Variants in CDK7 observed in about 807,000 individuals in gnomAD.
The protein encoded by CDK7 is cyclin dependent kinase 7.
In CDK7, 25 loss-of-function variants were observed where a neutral mutation model predicts 49.1. The observed-to-expected ratio is 0.51, with a 90% confidence interval of 0.37 to 0.71. The LOEUF is 0.71. Among genes scored for constraint, CDK7 ranks in the 30% least tolerant of loss-of-function variants. The pLI, the probability that CDK7 is intolerant of heterozygous loss-of-function variation, is 0.00. For synonymous variants in CDK7, 107 were observed against 140.0 expected (o/e 0.76, Z 1.67); for missense variants, 316 against 411.7 (o/e 0.77, Z 2.01).
At chr5:69,248,790 C>CCT (rs1370044885) in intron 2 of CDK7, among the ~76,000 whole-genome samples, 1 of 110,480 alleles carries the variant, frequency 9.1e-6, no homozygotes, top group African/African-American at 3.3e-5. Context: ...ACCTTCTTTT[C>CCT]TTTTTTTTTT....
At chr5:69,276,053 G>A (rs1343986752) in intron 10 of CDK7, among the ~76,000 whole-genome samples, 1 of 151,542 alleles carries the variant, frequency 6.6e-6, no homozygotes, top group Non-Finnish European at 1.5e-5. Flanking sequence ...TTTTTGATAC[G>A]GAGCCTTGCT....
intron 1 of CDK7, 155 bp downstream of exon 1, chr5:69,235,196 A>G (rs1463846231): frequency 2.6e-6 from 2 of 781,492 alleles, no homozygotes; most frequent in South Asian, 1.6e-5. Context: ...CATTCTTTAC[A>G]TCCTGGGGGT....
At chr5:69,264,617 A>G (rs1256411812) in intron 8 of CDK7, among the ~76,000 whole-genome samples, 2 of 152,148 alleles carry the variant, frequency 1.3e-5, no homozygotes, top group Non-Finnish European at 2.9e-5. Context: ...GAGGGTAGGA[A>G]ATCTCAAAAT....
At position 69,269,379 on chromosome 5, in the gene CDK7, G is replaced by A. The variant is rs184998755; in HGVS notation, c.714+86G>A. 684 of 823,002 alleles carry A rather than the reference G, an allele frequency of 8.3e-4. 3 individuals are homozygous for A. In the African/African-American group the frequency reaches 0.01, roughly 12 times the overall value. The allele number at this position is 823,002 out of a possible 1,614,324, so 51.0% of individuals were successfully genotyped here. On this transcript the variant is annotated intron_variant, in intron 9 of 11. Coordinates refer to ENST00000256443, the MANE Select transcript of CDK7 (RefSeq NM_001799.4). ...CATATACTTTATATAGTGCTGTCAC[G>A]TGAATATTAAAGACATTCATTATAA...
chr5:69,249,571 G>A (rs964846177), intron 2 of CDK7, among the ~76,000 whole-genome samples: 1 of 151,720 alleles, frequency 6.6e-6, no homozygotes, highest in African/African-American at 2.4e-5. Context: ...AAAAAGTGTG[G>A]GTATGGTGGC....
chr5:69,235,177 C>G (rs530926864), intron 1 of CDK7, 136 bp downstream of exon 1: 5 of 844,012 alleles, frequency 5.9e-6, no homozygotes, highest in African/African-American at 5.1e-5. Flanking sequence ...TCCAGACGCA[C>G]TTGCTGCCCA....
intron 10 of CDK7, among the ~76,000 whole-genome samples, chr5:69,275,857 A>G (rs559304261): frequency 2.0e-5 from 3 of 152,280 alleles, no homozygotes; most frequent in Middle Eastern, 3.4e-3. Flanking sequence ...TATAAGCTGT[A>G]TATGAAACAT....
intron 2 of CDK7, among the ~76,000 whole-genome samples, chr5:69,238,574 C>A (rs185344964): frequency 2.7e-5 from 4 of 150,380 alleles, no homozygotes; most frequent in Admixed American, 2.6e-4. Flanking sequence ...GGTGTGAGCC[C>A]CTGTACTCAG....
intron 5 of CDK7, among the ~76,000 whole-genome samples, chr5:69,257,018 T>C (rs1243495829): frequency 2.0e-5 from 3 of 152,186 alleles, no homozygotes; most frequent in Non-Finnish European, 4.4e-5. Context: ...ACACTATTGA[T>C]AAATGCAGCA....
chr5:69,250,328 T>C (rs978900466), intron 2 of CDK7, among the ~76,000 whole-genome samples: 38 of 152,226 alleles, frequency 2.5e-4, no homozygotes, highest in Non-Finnish European at 4.3e-4. Context: ...GTAGTTCTTA[T>C]AGACTTATAG....
intron 7 of CDK7, among the ~76,000 whole-genome samples, 187 bp downstream of exon 7, chr5:69,260,123 CAG>C (rs1750723608): frequency 6.6e-6 from 1 of 152,192 alleles, no homozygotes; most frequent in Non-Finnish European, 1.5e-5. Context: ...CCAAGGCAGG[CAG>C]ACCCACGAGG....
chr5:69,277,074 A>ACTTTTTT, intron 11 of CDK7, 33 bp from the exon 12 acceptor site: 1 of 1,553,304 alleles, frequency 6.4e-7, no homozygotes, highest in East Asian at 2.3e-5. Flanking sequence ...AATGTGAACA[A>ACTTTTTT]CTTTTTTTTT....
At chr5:69,251,014 C>T (rs191302168) in intron 2 of CDK7, among the ~76,000 whole-genome samples, 97 of 152,016 alleles carry the variant, frequency 6.4e-4, no homozygotes, top group Middle Eastern at 6.8e-3. Flanking sequence ...ACTGCAGCCT[C>T]GAACTCCTGG....
intron 8 of CDK7, among the ~76,000 whole-genome samples, chr5:69,262,668 CAA>C (rs35645434): frequency 5.3e-5 from 6 of 113,558 alleles, no homozygotes; most frequent in Admixed American, 1.9e-4. Context: ...GGCTCCATCT[CAA>C]AAAAAAAAAA....
intron 8 of CDK7, among the ~76,000 whole-genome samples, chr5:69,266,708 G>GAAA (rs373240031): frequency 2.4e-4 from 34 of 141,416 alleles, no homozygotes; most frequent in East Asian, 1.0e-3. Context: ...TGGCTTCCAG[G>GAAA]AAAAAAAAAA....
At chr5:69,244,636 C>CAAA (rs35194899) in intron 2 of CDK7, among the ~76,000 whole-genome samples, 1 of 94,888 alleles carries the variant, frequency 1.1e-5, no homozygotes, top group Admixed American at 1.2e-4. Flanking sequence ...AACTCCGTCT[C>CAAA]AAAAAAAAAA....
intron 2 of CDK7, among the ~76,000 whole-genome samples, chr5:69,243,902 A>T (rs903314474): frequency 1.5e-5 from 2 of 129,214 alleles, no homozygotes; most frequent in Non-Finnish European, 3.1e-5. Context: ...GTGCAATCTC[A>T]GCTCACTGCA....
At chr5:69,249,538 A>C (rs765889187) in intron 2 of CDK7, among the ~76,000 whole-genome samples, 1 of 145,916 alleles carries the variant, frequency 6.9e-6, no homozygotes, top group Non-Finnish European at 1.5e-5. Context: ...GTGACAGAGC[A>C]AGACTCTGTT....
At chr5:69,246,730 G>A (rs1303653994) in intron 2 of CDK7, among the ~76,000 whole-genome samples, 3 of 150,284 alleles carry the variant, frequency 2.0e-5, no homozygotes, top group African/African-American at 7.4e-5. Context: ...CATGTAGGCA[G>A]TTACAGCTAT....
Sources: gnomAD v4.1 joint callset for allele counts (sites outside exome capture counted in the v4.1 genomes callset) on GRCh38, gnomAD v4.1.1 for gene constraint, MANE v1.5 for transcripts, NCBI Gene and HGNC (gene_info 2026-07-23, HGNC 2026-07-21) for gene names.